The following ABLIM2 variants were observed in gnomAD, a reference collection of about 807,000 sequenced individuals.
The protein encoded by ABLIM2 is actin-binding LIM protein 2.
ABLIM2 carries 53 observed loss-of-function variants against 97.7 expected under a neutral mutation model. The ratio of observed to expected loss-of-function variants is 0.54; its 90% CI spans 0.44 to 0.68. ABLIM2 has a LOEUF of 0.68. ABLIM2 is among the 30% of genes least tolerant of loss of function. The probability of loss-of-function intolerance (pLI) is 0.00; values close to 1 mark genes in which losing one functional copy is unlikely to be tolerated. For synonymous variants in ABLIM2, 361 were observed against 345.8 expected (o/e 1.04, Z -0.49); for missense variants, 835 against 867.2 (o/e 0.96, Z 0.47).
chr4:7,973,697 C>A (rs375710285), intron 20 of ABLIM2, among the ~76,000 whole-genome samples: 2 of 152,154 alleles, frequency 1.3e-5, no homozygotes, highest in South Asian at 2.1e-4. Flanking sequence ...TCCTGCTAAG[C>A]CCTGCCCTGC....
rs1051112653 is a variant in ABLIM2 at position 8,120,215 on chromosome 4, G to A, written c.11-13578C>T. 4.6e-5 allele frequency among the ~76,000 whole-genome samples: 7 copies of A among 152,254 alleles called. No homozygotes were observed. The South Asian group carries it at 8.3e-4, about 18-fold the overall frequency. ...GGCAGGAAGCAAGAGCGGTGCCAGCGGGGAGCTCGAGCCATCTCTGTGGGC... is the reference window on the plus strand; with the variant it reads ...GGCAGGAAGCAAGAGCGGTGCCAGCAGGGAGCTCGAGCCATCTCTGTGGGC... On this transcript the variant is annotated intron_variant, in intron 1 of 20. Transcript: ENST00000447017. The surrounding 1 kb of genome is among the most constrained non-coding windows in gnomAD (Gnocchi z 5.6).
rs760268567 is a variant in ABLIM2, at chr4:8,106,538, C to T, written c.110G>A (p.Arg37Gln). The change falls in exon 2 of 21, where the codon CGG becomes CAG. Residue 37 changes from arginine to glutamine, a missense_variant. Physicochemically the swap from Arg to Gln is conservative, Grantham distance 43 (BLOSUM62 1). Coordinates refer to ENST00000447017, the MANE Select transcript of ABLIM2 (RefSeq NM_001130083.2). Reference sequence around the variant, plus strand: ...GATGTGGAAGTACTTGTCCTGCACCCGCAGCACCTCGCCCTTGCACACATT... The same window carrying T: ...GATGTGGAAGTACTTGTCCTGCACCTGCAGCACCTCGCCCTTGCACACATT... The part of the protein sequence containing the change: ...CGNVCKGEVL[R>Q]VQDKYFHIKC... 1.5e-5 allele frequency: 24 copies of T among 1,603,436 alleles called. 1 individual carries two copies. The highest frequency in any genetic ancestry group is 6.8e-5 in the East Asian group (3 of 44,408).
rs75115054 is a variant in ABLIM2 at position 7,983,363 on chromosome 4, A to G, written c.1744-19T>C. ...GATAGATCTGTTGGGGGAGGAAACCACAGGGTCACCTCACGAAGCAAGTGT... is the reference window on the plus strand; with the variant it reads ...GATAGATCTGTTGGGGGAGGAAACCGCAGGGTCACCTCACGAAGCAAGTGT... On this transcript the variant is annotated intron_variant, in intron 19 of 20. Coordinates refer to ENST00000447017, the MANE Select transcript of ABLIM2 (RefSeq NM_001130083.2). 737 of 1,608,580 alleles carry G rather than the reference A, an allele frequency of 4.6e-4. 6 individuals are homozygous for G. The East Asian group carries it at 0.015, about 33-fold the overall frequency.
At position 8,021,843 on chromosome 4, in the gene ABLIM2, T is replaced by A. The variant is rs549126792; in HGVS notation, c.1268-1540A>T. ...TTTGCCTGTCAATGCTGATGGAGCGTCAGATAACTGCCCTTCCCTTAGCAA... is the reference window on the plus strand; with the variant it reads ...TTTGCCTGTCAATGCTGATGGAGCGACAGATAACTGCCCTTCCCTTAGCAA... On this transcript the variant is annotated intron_variant, in intron 12 of 20. Coordinates refer to ENST00000447017, the MANE Select transcript of ABLIM2 (RefSeq NM_001130083.2). This position sits in a 1 kb window ranked among gnomAD's most constrained non-coding sequence, Gnocchi z 5.5. Among the ~76,000 whole-genome samples, 1 of 152,200 alleles carries A rather than the reference T, an allele frequency of 6.6e-6. No homozygotes were observed. The highest frequency in any genetic ancestry group is 2.4e-5 in the African/African-American group (1 of 41,450).
At chr4:7,983,660 A>G (rs1740869462) in intron 18 of ABLIM2, 106 bp from the exon 19 acceptor site, 1 of 1,385,594 alleles carries the variant, frequency 7.2e-7, no homozygotes, top group African/African-American at 1.4e-5. Context: ...TCCCCCCTGC[A>G]GTCACCTGGG....
rs1387175462 is a variant in ABLIM2, at chr4:8,032,833, A to G, written c.1048-3057T>C. On this transcript the variant is annotated intron_variant, in intron 10 of 20. Coordinates refer to ENST00000447017, the MANE Select transcript of ABLIM2 (RefSeq NM_001130083.2). This position sits in a 1 kb window ranked among gnomAD's most constrained non-coding sequence, Gnocchi z 4.3. ...AAAGAACTCTACCCCGAGAGACACA[A>G]GTCAGGGTTCCAGAACCTTCTCTTT... 1.3e-5 allele frequency among the ~76,000 whole-genome samples: 2 copies of G among 152,096 alleles called. No individual in the cohort carries two copies. Among genetic ancestry groups the G allele is most frequent in the Non-Finnish European group, 2.9e-5 (2 of 68,024 alleles).
At chr4:8,014,128 C>T (rs1262133640) in intron 14 of ABLIM2, among the ~76,000 whole-genome samples, 4 of 152,250 alleles carry the variant, frequency 2.6e-5, no homozygotes, top group African/African-American at 9.6e-5. Context: ...AGAATCATTC[C>T]TGAGACTGCA....
At chr4:8,045,554 C>T (rs1275805092) in intron 8 of ABLIM2, among the ~76,000 whole-genome samples, 1 of 152,176 alleles carries the variant, frequency 6.6e-6, no homozygotes, top group African/African-American at 2.4e-5. Context: ...GAGGCTGAGG[C>T]AGGAGAATCG....
rs1165472895 is a variant in ABLIM2, at chr4:7,970,999, C to T, written c.1825-3896G>A. On this transcript the variant is annotated intron_variant, in intron 20 of 20. Coordinates refer to ENST00000447017, the MANE Select transcript of ABLIM2 (RefSeq NM_001130083.2). The surrounding 1 kb of genome is among the most constrained non-coding windows in gnomAD (Gnocchi z 5.3). ...GAGAGAACTTGGTTGCCTGGGTATCCGGAAGGCTGGGTGAGGGTCACATGA... is the reference window on the plus strand; with the variant it reads ...GAGAGAACTTGGTTGCCTGGGTATCTGGAAGGCTGGGTGAGGGTCACATGA... 3.3e-5 allele frequency among the ~76,000 whole-genome samples: 5 copies of T among 151,976 alleles called. No homozygotes were observed. Among genetic ancestry groups the T allele is most frequent in the Admixed American group, 2.0e-4 (3 of 15,240 alleles).
At chr4:8,133,342 C>G (rs550647051) in intron 1 of ABLIM2, among the ~76,000 whole-genome samples, 5 of 152,184 alleles carry the variant, frequency 3.3e-5, no homozygotes, top group African/African-American at 1.2e-4. Context: ...CATCAGGGGA[C>G]CTACACCCCG....
chr4:8,077,552 A>G lies in ABLIM2; in HGVS notation c.675+76T>C, dbSNP rs1817031911. The G allele has an allele frequency of 2.9e-6, 4 of 1,359,932 alleles. No individual in the cohort carries two copies. The South Asian group carries it at 5.2e-5, about 18-fold the overall frequency. The allele number at this position is 1,359,932 out of a possible 1,614,324, so 84.2% of individuals were successfully genotyped here. Reference sequence around the variant, plus strand: ...ACAGATTCTTGCACAAACACACACAAATCTCCCAGTCAACTCCCAGGGGGG... The same window carrying G: ...ACAGATTCTTGCACAAACACACACAGATCTCCCAGTCAACTCCCAGGGGGG... On this transcript the variant is annotated intron_variant, in intron 6 of 20. Coordinates refer to ENST00000447017, the MANE Select transcript of ABLIM2 (RefSeq NM_001130083.2).
intron 1 of ABLIM2, among the ~76,000 whole-genome samples, chr4:8,158,074 C>A (rs1252917375): frequency 6.6e-6 from 1 of 152,166 alleles, no homozygotes; most frequent in Non-Finnish European, 1.5e-5. Context: ...AGGGTGGGTG[C>A]GGCGGGAAAG....
intron 1 of ABLIM2, among the ~76,000 whole-genome samples, chr4:8,108,948 C>G (rs1281827551): frequency 6.6e-6 from 1 of 152,250 alleles, no homozygotes; most frequent in South Asian, 2.1e-4. Context: ...GGACCCCAGG[C>G]ACCAGGCCAG....
rs1203337207 is a variant in ABLIM2 at position 8,082,162 on chromosome 4, G to A, written c.455-1360C>T. 1.3e-5 allele frequency among the ~76,000 whole-genome samples: 2 copies of A among 152,122 alleles called. No individual in the cohort carries two copies. Among genetic ancestry groups the A allele is most frequent in the Non-Finnish European group, 2.9e-5 (2 of 68,018 alleles). Reference sequence around the variant, plus strand: ...CCTTGCCGCCTGCAGGAGCCCCTGAGTAATTCACAGACCAAGCAGGGACCC... The same window carrying A: ...CCTTGCCGCCTGCAGGAGCCCCTGAATAATTCACAGACCAAGCAGGGACCC... On this transcript the variant is annotated intron_variant, in intron 4 of 20. Coordinates refer to ENST00000447017, the MANE Select transcript of ABLIM2 (RefSeq NM_001130083.2). This position sits in a 1 kb window ranked among gnomAD's most constrained non-coding sequence, Gnocchi z 5.6.
chr4:8,102,217 T>A (rs1834996266), intron 2 of ABLIM2, among the ~76,000 whole-genome samples: 1 of 152,198 alleles, frequency 6.6e-6, no homozygotes, highest in African/African-American at 2.4e-5. Context: ...CAAGCCTGCC[T>A]GCTTCCGGGT....
At position 8,123,844 on chromosome 4, in the gene ABLIM2, C is replaced by T. The variant is rs367691005; in HGVS notation, c.11-17207G>A. ...CCAAGAGGAGGGGCAGGAGGTGGCA[C>T]GGGGTGGGAGCCCTGCCTGGGATCC... On this transcript the variant is annotated intron_variant, in intron 1 of 20. Coordinates refer to ENST00000447017, the MANE Select transcript of ABLIM2 (RefSeq NM_001130083.2). The surrounding 1 kb of genome is among the most constrained non-coding windows in gnomAD (Gnocchi z 6.2). Among the ~76,000 whole-genome samples the T allele has an allele frequency of 5.5e-3, 840 of 152,152 alleles. 4 individuals are homozygous for T. Among genetic ancestry groups the T allele is most frequent in the Middle Eastern group, 0.017 (5 of 294 alleles).
At chr4:8,092,530 T>C (rs35887263) in intron 3 of ABLIM2, among the ~76,000 whole-genome samples, 4,612 of 152,282 alleles carry the variant, frequency 0.03, 198 homozygotes, top group African/African-American at 0.095. Context: ...AACTGTTTCC[T>C]GGACTCCCTC....
chr4:8,105,679 A>C (rs1043767725), intron 2 of ABLIM2, among the ~76,000 whole-genome samples: 1 of 152,242 alleles, frequency 6.6e-6, no homozygotes, highest in Non-Finnish European at 1.5e-5. Flanking sequence ...GAAGGCAGGC[A>C]GGCACGGGGC....
At position 8,149,708 on chromosome 4, in the gene ABLIM2, A is replaced by C. The variant is rs1711943098; in HGVS notation, c.10+8972T>G. Among the ~76,000 whole-genome samples, 1 of 151,956 alleles carries C rather than the reference A, an allele frequency of 6.6e-6. No individual in the cohort carries two copies. Among genetic ancestry groups the C allele is most frequent in the Non-Finnish European group, 1.5e-5 (1 of 67,976 alleles). ...TTAATAAATAGTCGTGGAGGGACAG[A>C]AGGGACATTCTGGAAGAGCTCTGAG... On this transcript the variant is annotated intron_variant, in intron 1 of 20. Transcript: ENST00000447017. The surrounding 1 kb of genome is among the most constrained non-coding windows in gnomAD (Gnocchi z 6.4).
Sources: allele counts gnomAD v4.1 joint callset (sites outside exome capture counted in the v4.1 genomes callset), GRCh38; gene constraint gnomAD v4.1.1; non-coding constraint Gnocchi (gnomAD v3.1); transcripts MANE v1.5; gene names NCBI Gene and HGNC (gene_info 2026-07-23, HGNC 2026-07-21).